Variants in DPP10 observed in about 807,000 individuals in gnomAD.
DPP10 encodes inactive dipeptidyl peptidase 10.
A neutral mutation model predicts 120.9 loss-of-function variants in DPP10; 33 were observed. That is an observed-to-expected ratio of 0.27 (90% CI 0.21 to 0.37). DPP10 has a LOEUF of 0.37. Among genes scored for constraint, DPP10 ranks in the 10% least tolerant of loss-of-function variants. DPP10 has a pLI of 1.00. For missense variants in DPP10, 816 were observed against 942.8 expected, an observed-to-expected ratio of 0.87 and a Z score of 1.76; for synonymous variants, 337 against 326.1, an observed-to-expected ratio of 1.03 and a Z score of -0.36.
intron 1 of DPP10, among the ~76,000 whole-genome samples, chr2:115,007,234 G>A (rs1049448767): frequency 2.0e-4 from 31 of 152,168 alleles, no homozygotes; most frequent in Non-Finnish European, 3.8e-4. Context: ...CCATGATCAA[G>A]TGGGCTTCAT....
chr2:114,519,909 C>T lies in DPP10; in HGVS notation c.60+77071C>T, dbSNP rs575075508. ...GTGGGATTTACATGAGGTTATTTCA[C>T]ATTCCTCTTCATGTATTGCGATGGG... On this transcript the variant is annotated intron_variant, in intron 1 of 25. Coordinates refer to ENST00000410059, the MANE Select transcript of DPP10 (RefSeq NM_020868.6). Among the ~76,000 whole-genome samples, 10 of 152,352 alleles carry T rather than the reference C, an allele frequency of 6.6e-5. No homozygotes were observed. In the South Asian group the frequency reaches 2.1e-3, roughly 32 times the overall value.
chr2:115,246,245 G>A (rs182109496), intron 1 of DPP10, among the ~76,000 whole-genome samples: 2 of 152,062 alleles, frequency 1.3e-5, no homozygotes, highest in East Asian at 1.9e-4. Context: ...CCTTCACTAC[G>A]TTACAGGACT....
chr2:114,656,632 T>C (rs1696987181), intron 1 of DPP10, among the ~76,000 whole-genome samples: 1 of 152,140 alleles, frequency 6.6e-6, no homozygotes, highest in Non-Finnish European at 1.5e-5. Flanking sequence ...TTGTGTTTAG[T>C]GGTGAGGATA....
chr2:115,612,261 C>G (rs946867403), intron 5 of DPP10, among the ~76,000 whole-genome samples: 3 of 152,094 alleles, frequency 2.0e-5, no homozygotes, highest in Non-Finnish European at 4.4e-5. Context: ...AATCTATGAG[C>G]ATTTGGTGGC....
chr2:115,154,654 T>G (rs2051777604), intron 1 of DPP10, among the ~76,000 whole-genome samples: 1 of 151,752 alleles, frequency 6.6e-6, no homozygotes, highest in Admixed American at 6.6e-5. Flanking sequence ...AGAGGGTGAA[T>G]AAAGATTTTT....
At chr2:114,975,384 G>A (rs2104818801) in intron 1 of DPP10, among the ~76,000 whole-genome samples, 1 of 152,174 alleles carries the variant, frequency 6.6e-6, no homozygotes, top group South Asian at 2.1e-4. Flanking sequence ...CATTTTAAAT[G>A]TTTTAATGTT....
chr2:114,772,684 C>G lies in DPP10; in HGVS notation c.60+329846C>G, dbSNP rs62165228. Among the ~76,000 whole-genome samples, 1,440 of 150,336 alleles carry G rather than the reference C, an allele frequency of 9.6e-3. 13 individuals carry two copies. The highest frequency in any genetic ancestry group is 0.015 in the Non-Finnish European group (1,014 of 67,770). On this transcript the variant is annotated intron_variant, in intron 1 of 25. Transcript: ENST00000410059. ...TACCTTTTTTTTTTTTCAGCTAAAG[C>G]ATAAATGTATTGACTCAATCTCAGT... is the stretch of plus-strand genomic sequence containing the variant.
chr2:115,771,777 C>T (rs1056523461), intron 13 of DPP10, among the ~76,000 whole-genome samples: 1 of 152,068 alleles, frequency 6.6e-6, no homozygotes, highest in Non-Finnish European at 1.5e-5. Flanking sequence ...CAGTACTTGG[C>T]GCTTACCTAT....
At chr2:114,644,438 T>C (rs1306819820) in intron 1 of DPP10, among the ~76,000 whole-genome samples, 2 of 151,702 alleles carry the variant, frequency 1.3e-5, no homozygotes, top group Admixed American at 6.6e-5. Flanking sequence ...AGATATCTTA[T>C]CTCCCTATTA....
At chr2:115,419,199 G>A (rs1294548143) in intron 3 of DPP10, among the ~76,000 whole-genome samples, 1 of 152,084 alleles carries the variant, frequency 6.6e-6, no homozygotes, top group African/African-American at 2.4e-5. Flanking sequence ...ATTTCAAATA[G>A]CCTGTTAAAT....
At chr2:114,641,703 T>C (rs1263539848) in intron 1 of DPP10, among the ~76,000 whole-genome samples, 2 of 151,968 alleles carry the variant, frequency 1.3e-5, no homozygotes, top group African/African-American at 2.4e-5. Flanking sequence ...ATTCAGTAGT[T>C]AGAATAATTC....
intron 11 of DPP10, among the ~76,000 whole-genome samples, chr2:115,759,544 CAA>C (rs1679843192): frequency 6.6e-6 from 1 of 151,872 alleles, no homozygotes; most frequent in Non-Finnish European, 1.5e-5. Context: ...ACGTGAAAAA[CAA>C]AAATTCTCGT....
At chr2:114,735,086 T>C (rs1054177349) in intron 1 of DPP10, among the ~76,000 whole-genome samples, 5 of 152,152 alleles carry the variant, frequency 3.3e-5, no homozygotes, top group African/African-American at 1.2e-4. Flanking sequence ...CTCATTAACC[T>C]CATCACCTTT....
chr2:115,438,519 A>C (rs1490871988), intron 3 of DPP10, among the ~76,000 whole-genome samples: 1 of 152,182 alleles, frequency 6.6e-6, no homozygotes, highest in Non-Finnish European at 1.5e-5. Flanking sequence ...ATGAATAGAA[A>C]AACAAAATGT....
At position 115,025,288 on chromosome 2, in the gene DPP10, G is replaced by A. The variant is rs116602991; in HGVS notation, c.61-283951G>A. Among the ~76,000 whole-genome samples, 1,365 of 152,064 alleles carry A rather than the reference G, an allele frequency of 9.0e-3. 16 individuals are homozygous for A. Among genetic ancestry groups the A allele is most frequent in the African/African-American group, 0.027 (1,138 of 41,492 alleles). ...CTGTGCTTGACTTATTTCACCTAGC[G>A]TAACAACTCCCAGTTTCATCCATGT... On this transcript the variant is annotated intron_variant, in intron 1 of 25. Transcript: ENST00000410059.
chr2:115,445,530 G>A (rs957752064), intron 3 of DPP10, among the ~76,000 whole-genome samples: 1 of 152,132 alleles, frequency 6.6e-6, no homozygotes, highest in Admixed American at 6.5e-5. Flanking sequence ...GAGAACTGGG[G>A]CAGAGGTCAC....
chr2:114,850,027 CCTTCCCTTTT>C (rs1285884247), intron 1 of DPP10, among the ~76,000 whole-genome samples: 3 of 135,218 alleles, frequency 2.2e-5, no homozygotes, highest in African/African-American at 7.9e-5. Flanking sequence ...CCTTCCCTTT[CCTTCCCTTTT>C]CTTCCCTTCT....
At chr2:114,881,543 A>C (rs1691627915) in intron 1 of DPP10, among the ~76,000 whole-genome samples, 1 of 148,692 alleles carries the variant, frequency 6.7e-6, no homozygotes, top group African/African-American at 2.5e-5. Context: ...TATCCTATCT[A>C]TCTAAGTATC....
At chr2:114,918,216 T>C (rs1273932826) in intron 1 of DPP10, among the ~76,000 whole-genome samples, 1 of 152,122 alleles carries the variant, frequency 6.6e-6, no homozygotes, top group Admixed American at 6.5e-5. Flanking sequence ...ATATCACTCA[T>C]TAGAGAAATG....
Sources: allele counts gnomAD v4.1 joint callset (sites outside exome capture counted in the v4.1 genomes callset), GRCh38; gene constraint gnomAD v4.1.1; transcripts MANE v1.5; gene names NCBI Gene and HGNC (gene_info 2026-07-23, HGNC 2026-07-21).